The following TRAPPC9 variants were observed in gnomAD, a reference collection of about 807,000 sequenced individuals.
TRAPPC9 encodes IKK2 binding protein.
A neutral mutation model predicts 124.0 loss-of-function variants in TRAPPC9; 83 were observed. The observed-to-expected ratio is 0.67, with a 90% CI of 0.56 to 0.80. The LOEUF is 0.80. TRAPPC9 is among the 30% of genes least tolerant of loss of function. The pLI, the probability that TRAPPC9 is intolerant of heterozygous loss-of-function variation, is 0.00. For missense variants in TRAPPC9, 1,302 were observed against 1,508.3 expected, an observed-to-expected ratio of 0.86 and a Z score of 2.27; for synonymous variants, 638 against 617.5, an observed-to-expected ratio of 1.03 and a Z score of -0.49.
chr8:139,894,609 G>A (rs909183817), intron 20 of TRAPPC9, among the ~76,000 whole-genome samples: 1 of 152,178 alleles, frequency 6.6e-6, no homozygotes, highest in Non-Finnish European at 1.5e-5. Context: ...ACAGAACAGA[G>A]CAACTTCCTC....
intron 17 of TRAPPC9, among the ~76,000 whole-genome samples, chr8:140,145,845 G>C (rs1381953183): frequency 8.2e-6 from 1 of 121,284 alleles, no homozygotes; most frequent in Non-Finnish European, 1.8e-5. Context: ...TAACTCAGAG[G>C]TATTTTTTAT....
At chr8:140,008,866 G>T (rs1045580669) in intron 18 of TRAPPC9, among the ~76,000 whole-genome samples, 16 of 152,194 alleles carry the variant, frequency 1.1e-4, no homozygotes, top group Non-Finnish European at 4.4e-5. Flanking sequence ...CCACAGACCT[G>T]AAGAGTTTAT....
intron 17 of TRAPPC9, among the ~76,000 whole-genome samples, chr8:140,130,390 T>A (rs373107006): frequency 6.6e-6 from 1 of 152,266 alleles, no homozygotes; most frequent in East Asian, 1.9e-4. Flanking sequence ...AACCACCTGA[T>A]AGGTACGATG....
chr8:139,763,625 CACACGTGCACACAT>C (rs1249637440), intron 21 of TRAPPC9, among the ~76,000 whole-genome samples: 1 of 152,090 alleles, frequency 6.6e-6, no homozygotes, highest in Non-Finnish European at 1.5e-5. Flanking sequence ...CACACACACA[CACACGTGCACACAT>C]GTGCACACAG....
intron 17 of TRAPPC9, among the ~76,000 whole-genome samples, chr8:140,042,966 C>T (rs563212986): frequency 3.9e-5 from 6 of 152,310 alleles, no homozygotes; most frequent in South Asian, 2.1e-4. Context: ...TGTCTTCACA[C>T]GGGAGCCAAT....
Position 139,975,927 on chromosome 8 carries a change from CTT to C in TRAPPC9, c.2810+12797_2810+12798del, listed in dbSNP as rs528679775. 3.8e-3 allele frequency among the ~76,000 whole-genome samples: 359 copies of C among 95,536 alleles called. 1 individual carries two copies. Among genetic ancestry groups the C allele is most frequent in the African/African-American group, 0.013 (314 of 25,074 alleles). The allele number at this position is 95,536 out of a possible 152,430, so 62.7% of individuals were successfully genotyped here. On this transcript the variant is annotated intron_variant, in intron 19 of 22. Coordinates refer to ENST00000438773, the MANE Select transcript of TRAPPC9 (RefSeq NM_001160372.4). ...AGCCATCCAATGGAGAAAGGACAGT[CTT>C]TTTTTTTTTTTTTTTTTTTTTGAGA...
chr8:139,975,769 A>G (rs1836399638), intron 19 of TRAPPC9, among the ~76,000 whole-genome samples: 1 of 152,018 alleles, frequency 6.6e-6, no homozygotes, highest in Non-Finnish European at 1.5e-5. Flanking sequence ...GGCTGTGCCA[A>G]CGCCCCTCCT....
intron 21 of TRAPPC9, among the ~76,000 whole-genome samples, chr8:139,807,071 T>C (rs566372950): frequency 1.1e-4 from 17 of 152,280 alleles, no homozygotes; most frequent in Non-Finnish European, 2.1e-4. Context: ...TGTCACCTAA[T>C]AATGCCCTGC....
At chr8:139,891,562 A>T (rs1187575339) in intron 20 of TRAPPC9, among the ~76,000 whole-genome samples, 1 of 152,246 alleles carries the variant, frequency 6.6e-6, no homozygotes, top group Admixed American at 6.5e-5. Flanking sequence ...GCTCAGCGGC[A>T]CATGCGGCAC....
At chr8:139,791,984 C>G (rs1822713202) in intron 21 of TRAPPC9, among the ~76,000 whole-genome samples, 1 of 152,138 alleles carries the variant, frequency 6.6e-6, no homozygotes, top group Non-Finnish European at 1.5e-5. Context: ...TGTCCATACC[C>G]CAGCTTTCAG....
At chr8:140,423,950 A>G (rs2070331617) in intron 5 of TRAPPC9, among the ~76,000 whole-genome samples, 1 of 152,170 alleles carries the variant, frequency 6.6e-6, no homozygotes, top group South Asian at 2.1e-4. Context: ...AAAATAGCTT[A>G]CTAGTTGCTT....
chr8:139,812,452 T>C (rs1346211194), intron 21 of TRAPPC9, among the ~76,000 whole-genome samples: 2 of 152,118 alleles, frequency 1.3e-5, no homozygotes, highest in African/African-American at 2.4e-5. Context: ...ATTAATTCAG[T>C]CATATTTTCA....
At chr8:139,866,279 G>A (rs1828532035) in intron 21 of TRAPPC9, among the ~76,000 whole-genome samples, 1 of 152,218 alleles carries the variant, frequency 6.6e-6, no homozygotes. Flanking sequence ...GTCCCATGAT[G>A]GCCTGAACCT....
intron 21 of TRAPPC9, among the ~76,000 whole-genome samples, chr8:139,749,900 T>C (rs1819201864): frequency 6.6e-6 from 1 of 152,176 alleles, no homozygotes; most frequent in South Asian, 2.1e-4. Context: ...ACAGGCAGCC[T>C]GGAGGTTCCT....
intron 15 of TRAPPC9, among the ~76,000 whole-genome samples, chr8:140,260,977 G>A (rs1255310563): frequency 6.6e-6 from 1 of 152,180 alleles, no homozygotes; most frequent in African/African-American, 2.4e-5. Context: ...ATGAGCTCTA[G>A]GGTCAGACAC....
Position 139,990,336 on chromosome 8 carries a change from T to C in TRAPPC9, c.2700-1500A>G, listed in dbSNP as rs570820062. Among the ~76,000 whole-genome samples, 10 of 152,266 alleles carry C rather than the reference T, an allele frequency of 6.6e-5. No individual in the cohort carries two copies. The South Asian group carries it at 2.1e-3, about 32-fold the overall frequency. ...TGCAGAGCTCGAAACCCTCGGCTTTTCCCAATAGATGTGGACCTCTATTCA... is the reference window on the plus strand; with the variant it reads ...TGCAGAGCTCGAAACCCTCGGCTTTCCCCAATAGATGTGGACCTCTATTCA... On this transcript the variant is annotated intron_variant, in intron 18 of 22. Transcript: ENST00000438773.
At position 140,291,096 on chromosome 8, in the gene TRAPPC9, A is replaced by G. The variant is rs1038880127; in HGVS notation, c.1769-18T>C. 1.2e-6 allele frequency: 2 copies of G among 1,606,270 alleles called. No individual in the cohort carries two copies. The highest frequency in any genetic ancestry group is 1.3e-5 in the African/African-American group (1 of 74,772). On this transcript the variant is annotated intron_variant, in intron 11 of 22. Coordinates refer to ENST00000438773, the MANE Select transcript of TRAPPC9 (RefSeq NM_001160372.4). The stretch of plus-strand genomic sequence containing the variant: ...CTGGAAATCTAGAAAATACACACAC[A>G]TAAATGAATCCATGTATTAGTTGGT...
chr8:140,019,542 C>CTTTTTTTTTTT (rs71320340), intron 18 of TRAPPC9, among the ~76,000 whole-genome samples: 4 of 43,838 alleles, frequency 9.1e-5, no homozygotes, highest in Admixed American at 3.4e-4. Context: ...TAATTTGTGT[C>CTTTTTTTTTTT]TTTTTTTTTT....
intron 12 of TRAPPC9, among the ~76,000 whole-genome samples, chr8:140,289,174 A>AGTGTGTGTGT (rs71320349): frequency 1.3e-5 from 2 of 148,428 alleles, no homozygotes; most frequent in Admixed American, 6.7e-5. Flanking sequence ...ATATATATAT[A>AGTGTGTGTGT]GTGTGTGTGT....
Sources: allele counts gnomAD v4.1 joint callset (sites outside exome capture counted in the v4.1 genomes callset), GRCh38; gene constraint gnomAD v4.1.1; transcripts MANE v1.5; gene names NCBI Gene and HGNC (gene_info 2026-07-23, HGNC 2026-07-21).